SDK1: variants seen among roughly 807,000 people sequenced by gnomAD.
SDK1 encodes the protein protein sidekick-1.
Under a neutral mutation model 245.5 loss-of-function variants are expected in SDK1, and 157 were observed. The ratio of observed to expected loss-of-function variants is 0.64; its 90% CI spans 0.56 to 0.73. The LOEUF (loss-of-function observed/expected upper bound fraction) is 0.73, where lower values mean the gene tolerates loss of function less well. Among genes scored for constraint, SDK1 ranks in the 30% least tolerant of loss-of-function variants. The pLI, the probability that SDK1 is intolerant of heterozygous loss-of-function variation, is 0.00. For missense variants in SDK1, 3,583 were observed against 3,002.3 expected, an observed-to-expected ratio of 1.19 and a Z score of -4.52; for synonymous variants, 1,647 against 1,278.5, an observed-to-expected ratio of 1.29 and a Z score of -6.15.
At position 4,159,369 on chromosome 7, in the gene SDK1, G is replaced by C. The variant is rs190813300; in HGVS notation, c.4729+818G>C. Among the ~76,000 whole-genome samples, 260 of 152,318 alleles carry C rather than the reference G, an allele frequency of 1.7e-3. 1 individual carries two copies. Among genetic ancestry groups the C allele is most frequent in the African/African-American group, 6.0e-3 (251 of 41,576 alleles). On this transcript the variant is annotated intron_variant, in intron 31 of 44. Coordinates refer to ENST00000404826, the MANE Select transcript of SDK1 (RefSeq NM_152744.4). ...CCTCAGGGACCAGCAGAGGGTTTGA[G>C]CAAACCATTCCCGGCTTCTCAGCAA...
chr7:4,103,417 C>G (rs1782701737), intron 22 of SDK1, among the ~76,000 whole-genome samples: 1 of 152,206 alleles, frequency 6.6e-6, no homozygotes, highest in Non-Finnish European at 1.5e-5. Context: ...TGAAATCTAA[C>G]TAGAGAGCCA....
chr7:3,730,705 A>G (rs1779151107), intron 4 of SDK1, among the ~76,000 whole-genome samples: 5 of 152,146 alleles, frequency 3.3e-5, no homozygotes, highest in Admixed American at 3.3e-4. Context: ...TAACGTTCAT[A>G]TTCCTTCCAG....
chr7:3,779,668 C>T (rs1780668082), intron 4 of SDK1, among the ~76,000 whole-genome samples: 1 of 151,798 alleles, frequency 6.6e-6, no homozygotes, highest in African/African-American at 2.4e-5. Flanking sequence ...CGCGGTGGCT[C>T]ACGCCTGTAA....
intron 12 of SDK1, among the ~76,000 whole-genome samples, chr7:3,973,512 C>T (rs1191235203): frequency 7.9e-5 from 12 of 151,996 alleles, no homozygotes; most frequent in Non-Finnish European, 7.4e-5. Flanking sequence ...GAAATAAATG[C>T]AATTTTAAGG....
chr7:3,776,182 G>A (rs1163597431), intron 4 of SDK1, among the ~76,000 whole-genome samples: 1 of 152,246 alleles, frequency 6.6e-6, no homozygotes, highest in African/African-American at 2.4e-5. Flanking sequence ...ATGAACGAAT[G>A]AGTAGCATTT....
At chr7:3,420,789 G>A (rs1779513765) in intron 1 of SDK1, among the ~76,000 whole-genome samples, 1 of 152,118 alleles carries the variant, frequency 6.6e-6, no homozygotes, top group African/African-American at 2.4e-5. Flanking sequence ...CATGGGCAGG[G>A]TGTGCAGAGT....
At chr7:3,378,620 G>A (rs770420180) in intron 1 of SDK1, among the ~76,000 whole-genome samples, 1 of 151,942 alleles carries the variant, frequency 6.6e-6, no homozygotes, top group Non-Finnish European at 1.5e-5. Context: ...GCAGTGGGGG[G>A]CCCTCTTTCA....
Position 4,130,378 on chromosome 7 carries a change from G to GC in SDK1, c.4129+283dup, listed in dbSNP as rs890115204. 10 of 444,500 alleles carry GC rather than the reference G, an allele frequency of 2.2e-5. No individual in the cohort carries two copies. In the Admixed American group the frequency reaches 3.7e-4, roughly 16 times the overall value. 27.5% of individuals were successfully genotyped at this position (444,500 alleles called of 1,614,324 possible). A position where few individuals can be genotyped will look rare whatever the true frequency, so the allele number is the denominator to read the frequency against. ...GAGAGGCAGCAGAGGCTGGGGCGGG[G>GC]CCGAGCTGTGGATGTCAGCTGTGGA... On this transcript the variant is annotated intron_variant, in intron 27 of 44. Coordinates refer to ENST00000404826, the MANE Select transcript of SDK1 (RefSeq NM_152744.4).
At chr7:4,019,429 C>G (rs116224802) in intron 17 of SDK1, among the ~76,000 whole-genome samples, 2 of 152,102 alleles carry the variant, frequency 1.3e-5, no homozygotes, top group Non-Finnish European at 2.9e-5. Flanking sequence ...AGCTAGTGGG[C>G]TGGGGTGCAG....
At chr7:4,033,309 T>A (rs1787970795) in intron 17 of SDK1, among the ~76,000 whole-genome samples, 1 of 152,204 alleles carries the variant, frequency 6.6e-6, no homozygotes, top group Admixed American at 6.5e-5. Context: ...AAGGATACAT[T>A]CCAAGTGGAT....
chr7:3,975,418 C>T (rs537582949), intron 13 of SDK1, among the ~76,000 whole-genome samples: 37 of 152,276 alleles, frequency 2.4e-4, no homozygotes, highest in African/African-American at 8.7e-4. Flanking sequence ...AGAGATTTTT[C>T]CTCACTGGAC....
At chr7:3,620,300 ATTT>A (rs3086082) in intron 2 of SDK1, among the ~76,000 whole-genome samples, 43 of 149,162 alleles carry the variant, frequency 2.9e-4, no homozygotes, top group East Asian at 1.4e-3. Flanking sequence ...TGCTTACAGC[ATTT>A]TTTTTTTTTT....
At chr7:4,212,303 T>C (rs951996104) in intron 38 of SDK1, among the ~76,000 whole-genome samples, 4 of 152,334 alleles carry the variant, frequency 2.6e-5, no homozygotes, top group Non-Finnish European at 4.4e-5. Flanking sequence ...AGATTCATCA[T>C]TATTTTATGA....
At chr7:3,408,003 G>T (rs1779097636) in intron 1 of SDK1, among the ~76,000 whole-genome samples, 1 of 152,104 alleles carries the variant, frequency 6.6e-6, no homozygotes, top group Admixed American at 6.6e-5. Flanking sequence ...TTAGGCAAAG[G>T]CGAGTGTATG....
chr7:3,732,230 G>C (rs1707024366), intron 4 of SDK1, among the ~76,000 whole-genome samples: 1 of 152,082 alleles, frequency 6.6e-6, no homozygotes, highest in South Asian at 2.1e-4. Flanking sequence ...TTTTTGTTTT[G>C]TCAGTAGAGC....
At chr7:4,261,950 A>G (rs1788042524) in intron 44 of SDK1, among the ~76,000 whole-genome samples, 1 of 148,478 alleles carries the variant, frequency 6.7e-6, no homozygotes, top group Non-Finnish European at 1.5e-5. Context: ...TGTGGCACTT[A>G]TCAGCAAAAC....
In SDK1 at chr7:3,477,733, C is replaced by G. The variant is rs117871886; in HGVS notation, c.299-141347C>G. On this transcript the variant is annotated intron_variant, in intron 1 of 44. Coordinates refer to ENST00000404826, the MANE Select transcript of SDK1 (RefSeq NM_152744.4). Reference sequence around the variant, plus strand: ...CCCACTATGTTGTTCAGGCTTGTCCCGAACCTCTAGCTTAAAGTGAACCTC... The same window carrying G: ...CCCACTATGTTGTTCAGGCTTGTCCGGAACCTCTAGCTTAAAGTGAACCTC... 5.3e-5 allele frequency among the ~76,000 whole-genome samples: 8 copies of G among 151,988 alleles called. 1 individual carries two copies. Among genetic ancestry groups the G allele is most frequent in the Non-Finnish European group, 1.5e-5 (1 of 67,962 alleles).
At chr7:3,583,322 C>G (rs969540652) in intron 1 of SDK1, among the ~76,000 whole-genome samples, 2 of 152,146 alleles carry the variant, frequency 1.3e-5, no homozygotes, top group Admixed American at 6.5e-5. Context: ...CATTATGTTA[C>G]CATTTAGAAA....
chr7:4,051,636 AGCTTCTGGC>A lies in SDK1; in HGVS notation c.2719-1_2726del. ...TGTCTTTTTCACCCTGTTCCATCTC[AGCTTCTGGC>A]ATGGCCGGCAGATGCCCCCGAGGCT... On this transcript the variant is annotated splice_acceptor_variant and coding_sequence_variant, in exon 19 of 45. Transcript: ENST00000404826. LOFTEE classifies it high-confidence loss of function. 6.2e-7 allele frequency: 1 copy of A among 1,609,900 alleles called. No individual in the cohort carries two copies. The highest frequency in any genetic ancestry group is 1.7e-5 in the Admixed American group (1 of 59,278).
Sources: allele counts gnomAD v4.1 joint callset (sites outside exome capture counted in the v4.1 genomes callset), GRCh38; gene constraint gnomAD v4.1.1; transcripts MANE v1.5; gene names NCBI Gene and HGNC (gene_info 2026-07-23, HGNC 2026-07-21).